SAMD5: variants seen among roughly 807,000 people sequenced by gnomAD.
SAMD5 encodes sterile alpha motif domain containing 5.
A neutral mutation model predicts 11.3 loss-of-function variants in SAMD5; 13 were observed. The observed-to-expected ratio is 1.15, with a 90% CI of 0.75 to 1.83. The LOEUF (loss-of-function observed/expected upper bound fraction) is 1.83, where lower values mean the gene tolerates loss of function less well. SAMD5 is among the 40% of genes most tolerant of loss of function. The probability of loss-of-function intolerance (pLI) is 0.00; values close to 1 mark genes in which losing one functional copy is unlikely to be tolerated. For synonymous variants in SAMD5, 129 were observed against 111.3 expected (o/e 1.16, Z -1.00); for missense variants, 255 against 239.1 (o/e 1.07, Z -0.44).
At chr6:147,517,316 G>C (rs137926266) in intron 1 of SAMD5, among the ~76,000 whole-genome samples, 57 of 152,300 alleles carry the variant, frequency 3.7e-4, no homozygotes, top group African/African-American at 1.3e-3. Context: ...TTTACTAACA[G>C]GTGTTGAGGG....
intron 1 of SAMD5, among the ~76,000 whole-genome samples, chr6:147,650,754 A>G (rs567441446): frequency 2.5e-4 from 38 of 152,136 alleles, no homozygotes; most frequent in African/African-American, 8.9e-4. Context: ...CAGGGAGGAG[A>G]TGGTTTGGGT....
At chr6:147,657,483 G>A (rs944800305) in intron 1 of SAMD5, among the ~76,000 whole-genome samples, 7 of 152,140 alleles carry the variant, frequency 4.6e-5, no homozygotes, top group East Asian at 3.9e-4. Flanking sequence ...GTGAGTAAGC[G>A]TGAGAAAGAG....
the SAMD5 span, among the ~76,000 whole-genome samples, chr6:147,823,703 A>C: frequency 1.3e-5 from 2 of 152,220 alleles, no homozygotes; most frequent in Admixed American, 1.3e-4. Flanking sequence ...GGCTAAGGAG[A>C]AACAGATGTA....
chr6:147,859,400 A>C, the SAMD5 span, among the ~76,000 whole-genome samples: 2 of 152,228 alleles, frequency 1.3e-5, no homozygotes, highest in African/African-American at 4.8e-5. Flanking sequence ...TGTGGCTTAC[A>C]GAGAGAGAAA....
chr6:147,949,726 A>C, the SAMD5 span, among the ~76,000 whole-genome samples: 2 of 152,258 alleles, frequency 1.3e-5, no homozygotes, highest in African/African-American at 4.8e-5. Flanking sequence ...CTATATGATT[A>C]TATAAGTGAC....
At chr6:147,916,623 G>C in the SAMD5 span, among the ~76,000 whole-genome samples, 3 of 151,884 alleles carry the variant, frequency 2.0e-5, no homozygotes, top group African/African-American at 7.3e-5. Context: ...AGTTACATAT[G>C]TATGCAGGTG....
At chr6:147,873,510 T>C in the SAMD5 span, among the ~76,000 whole-genome samples, 1,226 of 152,254 alleles carry the variant, frequency 8.1e-3, 25 homozygotes, top group African/African-American at 0.028. Flanking sequence ...GTGAGTTTTA[T>C]AGAAAGAGGA....
At chr6:147,544,655 G>A (rs1788657737) in intron 1 of SAMD5, among the ~76,000 whole-genome samples, 1 of 152,104 alleles carries the variant, frequency 6.6e-6, no homozygotes, top group Non-Finnish European at 1.5e-5. Context: ...ATGGGTGGAG[G>A]TTTTGCAGTG....
the SAMD5 span, among the ~76,000 whole-genome samples, chr6:147,784,252 C>A: frequency 6.6e-6 from 1 of 151,958 alleles, no homozygotes; most frequent in Non-Finnish European, 1.5e-5. Context: ...CCATAGGAAG[C>A]ACAGATGGAT....
At chr6:147,854,516 T>C in the SAMD5 span, among the ~76,000 whole-genome samples, 1 of 152,312 alleles carries the variant, frequency 6.6e-6, no homozygotes, top group East Asian at 1.9e-4. Flanking sequence ...TGAGAGATGA[T>C]GACAGATTAT....
At chr6:147,781,772 GCACACACACACACACACACA>G in the SAMD5 span, among the ~76,000 whole-genome samples, 2 of 146,270 alleles carry the variant, frequency 1.4e-5, no homozygotes, top group Non-Finnish European at 3.0e-5. Context: ...ATTTGTGTGC[GCACACACACACACACACACA>G]CACACACACA....
At chr6:147,793,020 A>G in the SAMD5 span, among the ~76,000 whole-genome samples, 1 of 152,186 alleles carries the variant, frequency 6.6e-6, no homozygotes, top group Non-Finnish European at 1.5e-5. Flanking sequence ...TAGAGCATAT[A>G]TCCCCATTCT....
downstream of SAMD5, among the ~76,000 whole-genome samples, chr6:147,737,740 A>G (rs1027635231): frequency 2.4e-5 from 3 of 124,596 alleles, no homozygotes; most frequent in African/African-American, 6.3e-5. Flanking sequence ...AAACATCCCA[A>G]TTCTCCCAAC....
chr6:147,790,783 TCTCTCTCTCTCTCTC>T, the SAMD5 span, among the ~76,000 whole-genome samples: 2 of 100,280 alleles, frequency 2.0e-5, no homozygotes, highest in African/African-American at 8.0e-5. Context: ...TCTCTCTCTC[TCTCTCTCTCTCTCTC>T]TCTCTCTCTC....
chr6:147,783,504 CT>C, the SAMD5 span, among the ~76,000 whole-genome samples: 256 of 152,150 alleles, frequency 1.7e-3, no homozygotes, highest in African/African-American at 6.0e-3. Context: ...AGTGATTCTC[CT>C]GTCTTAGCCT....
intron 1 of SAMD5, among the ~76,000 whole-genome samples, chr6:147,650,982 C>G (rs1790475466): frequency 6.6e-6 from 1 of 152,062 alleles, no homozygotes; most frequent in Non-Finnish European, 1.5e-5. Context: ...TCTATTAACT[C>G]TGGTTCAAGG....
the SAMD5 span, among the ~76,000 whole-genome samples, chr6:147,747,615 A>G: frequency 6.6e-6 from 1 of 152,118 alleles, no homozygotes; most frequent in Non-Finnish European, 1.5e-5. Flanking sequence ...GGCTCAAGCA[A>G]TCTTTCCACC....
the SAMD5 span, among the ~76,000 whole-genome samples, chr6:147,876,047 C>A: frequency 1.3e-5 from 2 of 152,142 alleles, no homozygotes; most frequent in African/African-American, 4.8e-5. Flanking sequence ...AGGTTGGGGA[C>A]CTCCTTTGCC....
chr6:147,652,505 G>A (rs1156870088), intron 1 of SAMD5, among the ~76,000 whole-genome samples: 1 of 152,148 alleles, frequency 6.6e-6, no homozygotes, highest in East Asian at 1.9e-4. Flanking sequence ...TCATGGAGGA[G>A]GCTCCCTGGT....
Sources: gnomAD v4.1 joint callset for allele counts (sites outside exome capture counted in the v4.1 genomes callset) on GRCh38, gnomAD v4.1.1 for gene constraint, MANE v1.5 for transcripts, NCBI Gene and HGNC (gene_info 2026-07-23, HGNC 2026-07-21) for gene names.